Variants in GRK4 observed in about 807,000 individuals in gnomAD.
The protein encoded by GRK4 is G protein-coupled receptor kinase 4.
Under a neutral mutation model 77.9 loss-of-function variants are expected in GRK4, and 73 were observed. The observed-to-expected ratio is 0.94, with a 90% confidence interval of 0.78 to 1.14. The LOEUF (loss-of-function observed/expected upper bound fraction) is 1.14. Among genes scored for constraint, GRK4 ranks in the 50% most tolerant of loss-of-function variants. GRK4 has a pLI of 0.00. For missense variants in GRK4, 729 were observed against 700.2 expected (o/e 1.04, Z -0.46); for synonymous variants, 257 against 254.4 (o/e 1.01, Z -0.10).
At position 2,986,354 on chromosome 4, in the gene GRK4, C is replaced by CTTTTTTT. The variant is rs36001597; in HGVS notation, c.148+1761_148+1767dup. ...GTTCTTTATATATAAAAGGTGTTAT[C>CTTTTTTT]TTTTTTTTTTTTTTTTTTTTTGAGA... On this transcript the variant is annotated intron_variant, in intron 2 of 15. Coordinates refer to ENST00000398052, the MANE Select transcript of GRK4 (RefSeq NM_182982.3). Among the ~76,000 whole-genome samples the CTTTTTTT allele has an allele frequency of 8.2e-5, 6 of 73,256 alleles. 2 individuals carry two copies. The highest frequency in any genetic ancestry group is 2.8e-4 in the African/African-American group (5 of 17,748). The allele number at this position is 73,256 out of a possible 152,430, so 48.1% of individuals were successfully genotyped here. A position where few individuals can be genotyped will look rare whatever the true frequency, so the allele number is the denominator to read the frequency against.
intron 7 of GRK4, among the ~76,000 whole-genome samples, chr4:3,012,144 C>T (rs1473600238): frequency 1.3e-5 from 2 of 152,190 alleles, no homozygotes; most frequent in Non-Finnish European, 2.9e-5. Flanking sequence ...GCCCATTCCA[C>T]TTAGAATAAT....
intron 12 of GRK4, among the ~76,000 whole-genome samples, chr4:3,034,889 C>A (rs753569771): frequency 5.3e-5 from 8 of 152,134 alleles, no homozygotes; most frequent in Non-Finnish European, 1.2e-4. Context: ...CCTTCGCCCC[C>A]CTCCTTTGTG....
At chr4:3,010,398 C>T (rs542752936) in intron 7 of GRK4, among the ~76,000 whole-genome samples, 2 of 152,032 alleles carry the variant, frequency 1.3e-5, no homozygotes, top group South Asian at 2.1e-4. Context: ...AGCTAATTTT[C>T]GTATTTTTAG....
chr4:3,037,077 GTGTGTA>G (rs1560512497), intron 13 of GRK4, among the ~76,000 whole-genome samples: 2 of 109,276 alleles, frequency 1.8e-5, no homozygotes, highest in Non-Finnish European at 3.6e-5. Context: ...GTGTATGTGT[GTGTGTA>G]TGTGTGTGTG....
intron 11 of GRK4, among the ~76,000 whole-genome samples, chr4:3,028,921 G>A (rs1738362227): frequency 1.3e-5 from 2 of 152,104 alleles, no homozygotes; most frequent in South Asian, 4.1e-4. Context: ...ACAGGCGCCT[G>A]CCGCCATACC....
chr4:3,009,768 C>A, intron 7 of GRK4, 57 bp downstream of exon 7: 2 of 1,304,910 alleles, frequency 1.5e-6, no homozygotes, highest in Non-Finnish European at 2.2e-6. Flanking sequence ...GAGCAAGGTC[C>A]TGAGAACATG....
intron 13 of GRK4, 131 bp downstream of exon 13, chr4:3,035,654 C>G: frequency 2.0e-6 from 2 of 1,011,098 alleles, no homozygotes; most frequent in Non-Finnish European, 1.4e-6. Flanking sequence ...GCACTCCTGG[C>G]CTCAAGTGGT....
intron 5 of GRK4, among the ~76,000 whole-genome samples, chr4:3,005,478 C>T (rs1283823590): frequency 6.6e-6 from 1 of 152,102 alleles, no homozygotes; most frequent in East Asian, 1.9e-4. Flanking sequence ...TGGGGCTGGA[C>T]CCTGATGCTT....
chr4:2,998,567 A>G (rs1728637691), intron 4 of GRK4, among the ~76,000 whole-genome samples: 1 of 151,956 alleles, frequency 6.6e-6, no homozygotes, highest in Admixed American at 6.6e-5. Context: ...TATATTAGCA[A>G]TTAAAATCCA....
chr4:2,978,249 G>A (rs967782189), intron 1 of GRK4, among the ~76,000 whole-genome samples: 21 of 152,152 alleles, frequency 1.4e-4, no homozygotes, highest in African/African-American at 4.8e-4. Context: ...ATAGACTGTG[G>A]CTTCACACAT....
Position 3,029,416 on chromosome 4 carries a change from C to T in GRK4, c.1269+7C>T. 1 of 1,609,516 alleles carries T rather than the reference C, an allele frequency of 6.2e-7. No individual in the cohort carries two copies. The highest frequency in any genetic ancestry group is 8.5e-7 in the Non-Finnish European group (1 of 1,176,108). ...CAAATCTATCTGCAGGATGGTAAGT[C>T]AGGCTCTGTAGAGGCTGGGAAATGG... On this transcript the variant is annotated splice_region_variant and intron_variant, in intron 12 of 15. Coordinates refer to ENST00000398052, the MANE Select transcript of GRK4 (RefSeq NM_182982.3).
At chr4:3,016,715 C>CAA (rs71180110) in intron 8 of GRK4, among the ~76,000 whole-genome samples, 35 of 130,408 alleles carry the variant, frequency 2.7e-4, no homozygotes, top group Admixed American at 8.5e-4. Context: ...CAAAGCAAAA[C>CAA]AAAAAAAAAA....
chr4:3,028,257 C>A (rs538023296), intron 11 of GRK4, among the ~76,000 whole-genome samples: 2 of 152,304 alleles, frequency 1.3e-5, no homozygotes, highest in East Asian at 3.9e-4. Context: ...GAAGTGAGGG[C>A]AGAATCGGGA....
At position 2,964,140 on chromosome 4, in the gene GRK4, G is replaced by A; in HGVS notation, c.52+18G>A. 1 of 1,563,164 alleles carries A rather than the reference G, an allele frequency of 6.4e-7. No individual in the cohort carries two copies. The stretch of plus-strand genomic sequence containing the variant: ...GCGTCAAGGTGGGTGCGCGGCAGGC[G>A]CCCCCGACCCCCCCCCCAGAGAACC... On this transcript the variant is annotated intron_variant, in intron 1 of 15. Coordinates refer to ENST00000398052, the MANE Select transcript of GRK4 (RefSeq NM_182982.3).
Position 3,025,677 on chromosome 4 carries a change from C to T in GRK4, c.971-2235C>T, listed in dbSNP as rs1225699450. Among the ~76,000 whole-genome samples, 6 of 152,152 alleles carry T rather than the reference C, an allele frequency of 3.9e-5. No homozygotes were observed. The East Asian group carries it at 7.8e-4, about 20-fold the overall frequency. ...AAAGTGCTGGGATTACAGGCTTGAG[C>T]ACCGCGCCCGGCCAGCAATCTAATT... On this transcript the variant is annotated intron_variant, in intron 10 of 15. Coordinates refer to ENST00000398052, the MANE Select transcript of GRK4 (RefSeq NM_182982.3).
intron 8 of GRK4, among the ~76,000 whole-genome samples, chr4:3,015,568 A>G (rs899309151): frequency 1.3e-5 from 2 of 151,808 alleles, no homozygotes; most frequent in African/African-American, 4.8e-5. Context: ...CCAGCTACTC[A>G]GGAGGCTGAG....
intron 2 of GRK4, chr4:2,986,760 C>T (rs1368899637): frequency 7.0e-6 from 2 of 286,418 alleles, no homozygotes; most frequent in Non-Finnish European, 1.4e-5. Flanking sequence ...AGGAAGGACA[C>T]ATTTATTCCA....
At chr4:2,990,903 TA>T (rs1215845410) in intron 3 of GRK4, among the ~76,000 whole-genome samples, 7 of 152,196 alleles carry the variant, frequency 4.6e-5, no homozygotes, top group Non-Finnish European at 8.8e-5. Context: ...CTGCTTTGAC[TA>T]TCCTCGTGAT....
rs751329892 is a variant in GRK4 at position 3,028,006 on chromosome 4, G to A, written c.1060+5G>A. The stretch of plus-strand genomic sequence containing the variant: ...TTGGAACAGTCGGCTACATGGGTTC[G>A]TGAGAGGCTTTCGGCGTCCTTGTCC... On this transcript the variant is annotated splice_donor_5th_base_variant and intron_variant, in intron 11 of 15. Transcript: ENST00000398052. The A allele has an allele frequency of 1.9e-5, 30 of 1,613,554 alleles. No individual in the cohort carries two copies. The highest frequency in any genetic ancestry group is 2.2e-5 in the Non-Finnish European group (26 of 1,179,596).
Sources: allele counts gnomAD v4.1 joint callset (sites outside exome capture counted in the v4.1 genomes callset), GRCh38; gene constraint gnomAD v4.1.1; transcripts MANE v1.5; gene names NCBI Gene and HGNC (gene_info 2026-07-23, HGNC 2026-07-21).